The following PSD3 variants were observed in gnomAD, a reference collection of about 807,000 sequenced individuals.
PSD3 encodes the protein pleckstrin and Sec7 domain containing 3, also known as PH and SEC7 domain-containing protein 3.
PSD3 carries 49 observed loss-of-function variants against 105.5 expected under a neutral mutation model. That is an observed-to-expected ratio of 0.46 (90% CI 0.37 to 0.59). PSD3 has a LOEUF of 0.59. Ranked by LOEUF, PSD3 falls within the 20% of genes least tolerant of loss-of-function variation. PSD3 has a pLI of 0.00. For synonymous variants in PSD3, 557 were observed against 457.8 expected, an observed-to-expected ratio of 1.22 and a Z score of -2.77; for missense variants, 1,561 against 1,263.8, an observed-to-expected ratio of 1.24 and a Z score of -3.57.
chr8:18,894,863 A>T (rs748521654), intron 2 of PSD3, among the ~76,000 whole-genome samples: 1 of 152,226 alleles, frequency 6.6e-6, no homozygotes, highest in African/African-American at 2.4e-5. Context: ...GACATCCGGA[A>T]GGGACAAGTA....
At chr8:19,064,576 A>C (rs1450962731) in intron 1 of PSD3, among the ~76,000 whole-genome samples, 1 of 152,170 alleles carries the variant, frequency 6.6e-6, no homozygotes, top group Non-Finnish European at 1.5e-5. Flanking sequence ...AATAATACCG[A>C]GATAATCTAA....
intron 1 of PSD3, among the ~76,000 whole-genome samples, chr8:18,981,464 A>G (rs577288726): frequency 6.6e-6 from 1 of 152,172 alleles, no homozygotes; most frequent in Non-Finnish European, 1.5e-5. Flanking sequence ...GTCTTTGGAA[A>G]ATAGAGATAA....
At chr8:18,998,717 C>G (rs746922721) in intron 1 of PSD3, among the ~76,000 whole-genome samples, 3 of 151,776 alleles carry the variant, frequency 2.0e-5, no homozygotes, top group Non-Finnish European at 2.9e-5. Flanking sequence ...AAATGGGTCC[C>G]AAAAGGTCCA....
At chr8:18,863,390 C>T (rs531484333) in intron 4 of PSD3, among the ~76,000 whole-genome samples, 1 of 152,108 alleles carries the variant, frequency 6.6e-6, no homozygotes, top group Non-Finnish European at 1.5e-5. Context: ...GGACTTCACA[C>T]AGCACCGCTG....
intron 9 of PSD3, among the ~76,000 whole-genome samples, chr8:18,752,593 T>TAA (rs1563225712): frequency 3.4e-4 from 27 of 80,140 alleles, no homozygotes; most frequent in African/African-American, 1.7e-3. Context: ...ATATTATATA[T>TAA]TATATATTAT....
chr8:18,633,288 T>C (rs750487398), intron 10 of PSD3, among the ~76,000 whole-genome samples: 49 of 152,032 alleles, frequency 3.2e-4, no homozygotes, highest in Non-Finnish European at 6.3e-4. Context: ...CAATGGACAA[T>C]AGTAAACAAT....
chr8:18,750,249 C>T (rs1301855936), intron 9 of PSD3, among the ~76,000 whole-genome samples: 2 of 152,158 alleles, frequency 1.3e-5, no homozygotes, highest in Non-Finnish European at 2.9e-5. Context: ...GCGGTGAGTG[C>T]TACAGCTCTT....
chr8:18,934,775 T>C (rs1029097496), intron 2 of PSD3, among the ~76,000 whole-genome samples: 6 of 152,210 alleles, frequency 3.9e-5, no homozygotes, highest in Admixed American at 1.3e-4. Flanking sequence ...TCAAGAAGTC[T>C]AGATCCAGAA....
chr8:18,967,149 T>C (rs1433518643), intron 1 of PSD3, among the ~76,000 whole-genome samples: 1 of 138,576 alleles, frequency 7.2e-6, no homozygotes, highest in African/African-American at 2.8e-5. Flanking sequence ...GATTTTCTTT[T>C]TTCTTTATTT....
intron 1 of PSD3, among the ~76,000 whole-genome samples, chr8:18,988,486 C>T (rs1825623259): frequency 6.6e-6 from 1 of 152,198 alleles, no homozygotes; most frequent in Non-Finnish European, 1.5e-5. Context: ...ATTTCTAGGC[C>T]ATTGCCCTTG....
chr8:18,752,270 A>T (rs1364233864), intron 9 of PSD3, among the ~76,000 whole-genome samples: 1 of 150,608 alleles, frequency 6.6e-6, no homozygotes, highest in Non-Finnish European at 1.5e-5. Context: ...ACTGTGTTTT[A>T]CGGAAAACTG....
At chr8:18,883,829 A>G (rs1586322712) in intron 2 of PSD3, among the ~76,000 whole-genome samples, 1 of 152,192 alleles carries the variant, frequency 6.6e-6, no homozygotes, top group East Asian at 1.9e-4. Flanking sequence ...TCAATCCTTT[A>G]TAAATTATGG....
chr8:18,736,458 T>G (rs1054610027), intron 9 of PSD3, among the ~76,000 whole-genome samples: 1 of 152,216 alleles, frequency 6.6e-6, no homozygotes, highest in African/African-American at 2.4e-5. Flanking sequence ...TACATATTTA[T>G]AGACGAGTAT....
chr8:18,806,880 A>G (rs1208898405), intron 4 of PSD3, among the ~76,000 whole-genome samples: 1 of 152,214 alleles, frequency 6.6e-6, no homozygotes, highest in African/African-American at 2.4e-5. Flanking sequence ...AAATAAATAA[A>G]GAAGGCATTA....
At chr8:18,903,217 G>C (rs1262892749) in intron 2 of PSD3, among the ~76,000 whole-genome samples, 1 of 152,160 alleles carries the variant, frequency 6.6e-6, no homozygotes. Context: ...GTGATACTCT[G>C]AAGGTTTAGG....
At chr8:18,964,213 T>C (rs1824106383) in intron 1 of PSD3, among the ~76,000 whole-genome samples, 1 of 152,064 alleles carries the variant, frequency 6.6e-6, no homozygotes, top group African/African-American at 2.4e-5. Flanking sequence ...CAGCCTGGAG[T>C]TCCCAGACTC....
intron 1 of PSD3, among the ~76,000 whole-genome samples, chr8:18,988,386 T>C (rs1168383452): frequency 6.6e-6 from 1 of 152,108 alleles, no homozygotes; most frequent in Non-Finnish European, 1.5e-5. Flanking sequence ...CAGATGAAAA[T>C]GAGACAAACA....
At chr8:18,705,293 C>T (rs1250370560) in intron 9 of PSD3, among the ~76,000 whole-genome samples, 2 of 151,990 alleles carry the variant, frequency 1.3e-5, no homozygotes, top group Admixed American at 6.6e-5. Context: ...TTTGGGAGGC[C>T]AAGCCGGGTG....
At chr8:18,957,417 T>C (rs1823645129) in intron 1 of PSD3, among the ~76,000 whole-genome samples, 1 of 150,614 alleles carries the variant, frequency 6.6e-6, no homozygotes, top group Non-Finnish European at 1.5e-5. Context: ...CAACAGTGAC[T>C]GTACAATGTG....
Sources: gnomAD v4.1 joint callset for allele counts (sites outside exome capture counted in the v4.1 genomes callset) on GRCh38, gnomAD v4.1.1 for gene constraint, MANE v1.5 for transcripts, NCBI Gene and HGNC (gene_info 2026-07-23, HGNC 2026-07-21) for gene names.